Variants in ZNF677 observed in about 807,000 individuals in gnomAD.
The protein encoded by ZNF677 is hypothetical protein MGC48625.
In ZNF677, 5 loss-of-function variants were observed where a neutral mutation model predicts 8.1. The observed-to-expected ratio is 0.62, with a 90% CI of 0.32 to 1.29. ZNF677 has a LOEUF of 1.29. Among genes scored for constraint, ZNF677 ranks in the 50% most tolerant of loss-of-function variants. The pLI is 0.05. For missense variants in ZNF677, 685 were observed against 685.9 expected, an observed-to-expected ratio of 1.00 and a Z score of 0.01; for synonymous variants, 221 against 225.6, an observed-to-expected ratio of 0.98 and a Z score of 0.18.
At chr19:53,241,923 CTTTTCT>C (rs201818978) in intron 4 of ZNF677, 5,545 of 390,788 alleles carry the variant, frequency 0.014, 249 homozygotes, top group African/African-American at 0.1. Flanking sequence ...GGAATGTGTA[CTTTTCT>C]TTTTCTTTTT....
At chr19:53,244,154 G>A in intron 3 of ZNF677, 1 of 419,938 alleles carries the variant, frequency 2.4e-6, no homozygotes, top group Non-Finnish European at 4.2e-6. Flanking sequence ...TTGAGCTCAG[G>A]AGTTTGAAAC....
intron 3 of ZNF677, among the ~76,000 whole-genome samples, chr19:53,251,166 T>C (rs903411211): frequency 7.2e-5 from 11 of 152,206 alleles, no homozygotes; most frequent in African/African-American, 2.4e-4. Context: ...TGCACATTAA[T>C]ATATCACTTC....
intron 4 of ZNF677, chr19:53,242,449 A>G: frequency 2.5e-6 from 1 of 398,612 alleles, no homozygotes; most frequent in East Asian, 3.6e-5. Context: ...ACCTAAAAGA[A>G]TGAGATATAT....
chr19:53,249,900 T>A (rs1599924508), intron 3 of ZNF677, among the ~76,000 whole-genome samples: 2 of 152,216 alleles, frequency 1.3e-5, no homozygotes, highest in East Asian at 3.9e-4. Flanking sequence ...GAGATGGAGT[T>A]TTGCTCTTGT....
chr19:53,235,738 GTCA>G lies in ZNF677; in HGVS notation c.*1231_*1233del, dbSNP rs1343360942. On this transcript the variant is annotated 3_prime_UTR_variant, in exon 5 of 5. Coordinates refer to ENST00000598513, the MANE Select transcript of ZNF677 (RefSeq NM_182609.4). Reference sequence around the variant, plus strand: ...CCCACCCTACTCTTCTTGTTTCATGGTCATCTTGTACTGTAACCAATCTCTCCT... The same window carrying G: ...CCCACCCTACTCTTCTTGTTTCATGGTCTTGTACTGTAACCAATCTCTCCT... 1 of 152,096 alleles carries G rather than the reference GTCA, an allele frequency of 6.6e-6. No homozygotes were observed. Among genetic ancestry groups the G allele is most frequent in the Non-Finnish European group, 1.5e-5 (1 of 68,026 alleles). The allele number at this position is 152,096 out of a possible 1,614,324, so 9.4% of individuals were successfully genotyped here.
chr19:53,251,298 C>T (rs2091229517), intron 3 of ZNF677, among the ~76,000 whole-genome samples: 1 of 152,212 alleles, frequency 6.6e-6, no homozygotes, highest in African/African-American at 2.4e-5. Context: ...ATACCCAATC[C>T]ATGCCTAGGC....
intron 4 of ZNF677, chr19:53,240,858 G>T: frequency 6.6e-6 from 1 of 152,160 alleles, no homozygotes; most frequent in Non-Finnish European, 1.5e-5. Context: ...ATGTGTCAAT[G>T]TAGGTTTATC....
At chr19:53,243,999 TAATGCAAGC>T (rs2091097497) in intron 3 of ZNF677, 102 bp from the exon 4 acceptor site, 3 of 1,072,394 alleles carry the variant, frequency 2.8e-6, no homozygotes, top group Non-Finnish European at 4.0e-6. Context: ...TTATGTGAGT[TAATGCAAGC>T]AACTTATATA....
intron 3 of ZNF677, among the ~76,000 whole-genome samples, chr19:53,247,996 T>G (rs376430130): frequency 6.6e-6 from 1 of 152,206 alleles, no homozygotes; most frequent in East Asian, 1.9e-4. Context: ...AAGAACCACT[T>G]TTACCATTTT....
chr19:53,238,286 C>G lies in ZNF677; in HGVS notation c.441G>C (p.Gln147His). ...NKSSIHFSLK[Q>H]SVSIRDSAHQ... The stretch of plus-strand genomic sequence containing the variant: ...GTGCACTATCTCTTATAGAAACACT[C>G]TGCTTTAAAGAGAAATGTATTGAGG... Residue 147 changes from glutamine (Q) to histidine (H), a missense_variant, in exon 5 of 5, where the codon CAG (glutamine) becomes CAC (histidine). Gln to His is a conservative substitution (Grantham distance 24). Transcript: ENST00000598513. The G allele has an allele frequency of 6.2e-7, 1 of 1,613,832 alleles. No individual in the cohort carries two copies.
At position 53,253,098 on chromosome 19, in the gene ZNF677, A is replaced by C. The variant is rs2091260182; in HGVS notation, c.-68T>G. 6.6e-6 allele frequency: 1 copy of C among 152,240 alleles called. No individual in the cohort carries two copies. The highest frequency in any genetic ancestry group is 2.4e-5 in the African/African-American group (1 of 41,452). 9.4% of individuals were successfully genotyped at this position (152,240 alleles called of 1,614,324 possible). On this transcript the variant is annotated 5_prime_UTR_variant, in exon 2 of 5. Transcript: ENST00000598513. The stretch of plus-strand genomic sequence containing the variant: ...AAAATATATTTACCATTCATTAAGA[A>C]GAAGTGGATCATCACAGTTCATCTT...
At chr19:53,245,695 TGGAAACAGTAC>T (rs57598859) in intron 3 of ZNF677, among the ~76,000 whole-genome samples, 42,033 of 151,794 alleles carry the variant, frequency 0.28, 6,386 homozygotes, top group African/African-American at 0.39. Context: ...GCAGCCACTA[TGGAAACAGTAC>T]GGAGGTTCCT....
chr19:53,240,163 C>A (rs1214147160), intron 4 of ZNF677: 3 of 152,196 alleles, frequency 2.0e-5, no homozygotes, highest in African/African-American at 7.2e-5. Context: ...TCATTCTTTA[C>A]ACAGTGTGTG....
rs1199745649 is a variant in ZNF677 at position 53,243,899 on chromosome 19, T to C, written c.16-2A>G. On this transcript the variant is annotated splice_acceptor_variant, in intron 3 of 4. Transcript: ENST00000598513. LOFTEE classifies it high-confidence loss of function. ...CACATCCTTGAATGTAAACAGTCCC[T>C]GAAATAAAAACACACTTCACCAAGT... 2.5e-6 allele frequency: 4 copies of C among 1,575,380 alleles called. No homozygotes were observed. The African/African-American group carries it at 4.1e-5, about 16-fold the overall frequency.
intron 3 of ZNF677, 48 bp from the exon 4 acceptor site, chr19:53,243,945 T>C (rs772256142): frequency 6.6e-7 from 1 of 1,522,376 alleles, no homozygotes; most frequent in African/African-American, 1.4e-5. Context: ...AAATTTCTTA[T>C]TTTCACACAA....
At chr19:53,247,182 T>C (rs2091157633) in intron 3 of ZNF677, among the ~76,000 whole-genome samples, 1 of 152,238 alleles carries the variant, frequency 6.6e-6, no homozygotes, top group South Asian at 2.1e-4. Flanking sequence ...GCCTGACATG[T>C]GGTCCATCCT....
chr19:53,237,231 C>A lies in ZNF677; in HGVS notation c.1496G>T (p.Arg499Leu). 6.2e-7 allele frequency: 1 copy of A among 1,612,458 alleles called. No homozygotes were observed. The highest frequency in any genetic ancestry group is 8.5e-7 in the Non-Finnish European group (1 of 1,178,964). ...CTECGKAFTE[R>L]SNLTQHKKIH... ...TTTCTTATGCTGAGTAAGATTTGAA[C>A]GTTCAGTAAAGGCTTTGCCACATTC... is the stretch of plus-strand genomic sequence containing the variant. The change falls in exon 5 of 5, where the codon CGT becomes CTT. Residue 499 changes from arginine (R) to leucine (L), a missense_variant. Physicochemically the swap from Arg to Leu is moderately radical, Grantham distance 102 (BLOSUM62 -2). Transcript: ENST00000598513.
chr19:53,250,481 G>A (rs549393533), intron 3 of ZNF677, among the ~76,000 whole-genome samples: 130 of 152,282 alleles, frequency 8.5e-4, no homozygotes, highest in African/African-American at 3.0e-3. Flanking sequence ...CATACACCAC[G>A]GAATACTATG....
At chr19:53,241,300 T>C (rs560862625) in intron 4 of ZNF677, 1 of 152,256 alleles carries the variant, frequency 6.6e-6, no homozygotes, top group Non-Finnish European at 1.5e-5. Context: ...TAACTGCTGA[T>C]TAAATACATA....
Sources: allele counts gnomAD v4.1 joint callset (sites outside exome capture counted in the v4.1 genomes callset), GRCh38; gene constraint gnomAD v4.1.1; transcripts MANE v1.5; gene names NCBI Gene and HGNC (gene_info 2026-07-23, HGNC 2026-07-21).